The following SUN1 variants were observed in gnomAD, a reference collection of about 807,000 sequenced individuals.
The protein encoded by SUN1 is Sad1 and UNC84 domain containing 1.
A neutral mutation model predicts 103.2 loss-of-function variants in SUN1; 61 were observed. The observed-to-expected ratio is 0.59, with a 90% CI of 0.48 to 0.73. The LOEUF (loss-of-function observed/expected upper bound fraction) is 0.73. Among genes scored for constraint, SUN1 ranks in the 30% least tolerant of loss-of-function variants. SUN1 has a pLI of 0.00. For synonymous variants in SUN1, 490 were observed against 425.7 expected (o/e 1.15, Z -1.86); for missense variants, 1,052 against 1,034.6 (o/e 1.02, Z -0.23).
At chr7:863,292 G>GCGCACC (rs1562793784) in intron 15 of SUN1, among the ~76,000 whole-genome samples, 2 of 149,466 alleles carry the variant, frequency 1.3e-5, no homozygotes, top group African/African-American at 2.5e-5. Context: ...GCCCTCCCGA[G>GCGCACC]CTCGCCCTTG....
chr7:827,093 C>T (rs1792853045), intron 1 of SUN1, among the ~76,000 whole-genome samples: 1 of 152,098 alleles, frequency 6.6e-6, no homozygotes, highest in Non-Finnish European at 1.5e-5. Flanking sequence ...CAGATCTCAG[C>T]TCACTGCAAC....
chr7:863,374 T>TCACCAGCGCCAGGGCCCCTG (rs1833858552), intron 15 of SUN1, among the ~76,000 whole-genome samples: 36 of 151,938 alleles, frequency 2.4e-4, no homozygotes, highest in East Asian at 3.9e-4. Flanking sequence ...TGCCCGGGGT[T>TCACCAGCGCCAGGGCCCCTG]GTGTGCTGCC....
upstream of SUN1, among the ~76,000 whole-genome samples, chr7:831,483 G>T (rs554751863): frequency 5.8e-4 from 89 of 152,246 alleles, no homozygotes; most frequent in Admixed American, 1.4e-3. Context: ...TGTTAGCGAG[G>T]ATGGTCTCGA....
chr7:823,174 C>G (rs145975366), intron 1 of SUN1, among the ~76,000 whole-genome samples: 66 of 152,344 alleles, frequency 4.3e-4, no homozygotes, highest in African/African-American at 1.4e-3. Context: ...TTCACTTGTT[C>G]TCCAGGCAAG....
At chr7:842,400 G>A (rs555007709) in intron 3 of SUN1, 105 of 455,846 alleles carry the variant, frequency 2.3e-4, no homozygotes, top group Non-Finnish European at 3.6e-4. Flanking sequence ...ATGCTAACGT[G>A]TAGTGACTAG....
intron 7 of SUN1, 57 bp from the exon 8 acceptor site, chr7:852,552 T>C: frequency 6.2e-7 from 1 of 1,605,992 alleles, no homozygotes; most frequent in Non-Finnish European, 8.5e-7. Context: ...GGAAAACAGA[T>C]TGGTGAACCC....
intron 17 of SUN1, among the ~76,000 whole-genome samples, 158 bp downstream of exon 17, chr7:869,674 G>A (rs545969843): frequency 1.3e-5 from 2 of 152,156 alleles, no homozygotes; most frequent in African/African-American, 4.8e-5. Context: ...TGCTTTTCTA[G>A]GGAGGGTAAC....
chr7:824,300 G>C (rs1789232420), intron 1 of SUN1, among the ~76,000 whole-genome samples: 1 of 152,228 alleles, frequency 6.6e-6, no homozygotes, highest in Non-Finnish European at 1.5e-5. Flanking sequence ...TCTGGGTCCA[G>C]ACCCAGCACG....
upstream of SUN1, chr7:816,550 T>C: frequency 2.6e-6 from 1 of 380,234 alleles, no homozygotes; most frequent in Non-Finnish European, 5.1e-6. Flanking sequence ...CGCTCGGGAC[T>C]GGTGAAGGCC....
intron 1 of SUN1, among the ~76,000 whole-genome samples, chr7:834,715 A>G (rs1433493993): frequency 6.6e-6 from 1 of 152,172 alleles, no homozygotes; most frequent in African/African-American, 2.4e-5. Context: ...GATTCTTAGC[A>G]ATTTCAGTAA....
intron 1 of SUN1, among the ~76,000 whole-genome samples, chr7:819,510 T>G (rs1035875439): frequency 6.6e-6 from 1 of 152,158 alleles, no homozygotes; most frequent in African/African-American, 2.4e-5. Flanking sequence ...TTGAGTTCAT[T>G]CTTGTGTATG....
chr7:851,202 T>C, intron 5 of SUN1, 182 bp from the exon 6 acceptor site: 1 of 503,726 alleles, frequency 2.0e-6, no homozygotes. Flanking sequence ...CAAATGGTCA[T>C]GTCAGTGCAA....
chr7:849,958 C>T (rs1422864118), intron 5 of SUN1: 1 of 1,601,798 alleles, frequency 6.2e-7, no homozygotes, highest in Non-Finnish European at 8.5e-7. Flanking sequence ...CCTCGACGCG[C>T]ACACAGCCGC....
intron 2 of SUN1, chr7:841,720 C>T (rs1394120855): frequency 1.2e-5 from 6 of 502,708 alleles, no homozygotes; most frequent in Non-Finnish European, 2.1e-5. Flanking sequence ...CCAAAATAAC[C>T]TGGAAACTAT....
At chr7:817,367 C>T in intron 1 of SUN1, 2 of 1,520,004 alleles carry the variant, frequency 1.3e-6, no homozygotes, top group South Asian at 2.4e-5. Flanking sequence ...CGCGCGTGGT[C>T]TCCGCGCCCT....
chr7:843,976 G>T, intron 5 of SUN1: 2 of 851,128 alleles, frequency 2.3e-6, no homozygotes, highest in Non-Finnish European at 2.9e-6. Context: ...GGTGATGGAG[G>T]GGCCTTCAGA....
chr7:873,560 G>GAA lies in SUN1; in HGVS notation c.*230_*231dup. 2 of 494,248 alleles carry GAA rather than the reference G, an allele frequency of 4.0e-6. No individual in the cohort carries two copies. Among genetic ancestry groups the GAA allele is most frequent in the African/African-American group, 1.9e-5 (1 of 51,286 alleles). 30.6% of individuals were successfully genotyped at this position (494,248 alleles called of 1,614,324 possible). A position where few individuals can be genotyped will look rare whatever the true frequency, so the allele number is the denominator to read the frequency against. ...GGGTCAGCAGCAGGAGAAGCGTGTT[G>GAA]AACACGTGGCTCTCAGACACTCCTT... On this transcript the variant is annotated 3_prime_UTR_variant, in exon 19 of 19. Coordinates refer to ENST00000401592, the MANE Select transcript of SUN1 (RefSeq NM_001130965.3).
In SUN1 at chr7:824,116, C is replaced by CG. The variant is rs137881746; in HGVS notation, c.-74+7446dup. Among the ~76,000 whole-genome samples the CG allele has an allele frequency of 5.8e-3, 883 of 152,256 alleles. 2 individuals are homozygous for CG. Among genetic ancestry groups the CG allele is most frequent in the South Asian group, 0.023 (110 of 4,824 alleles). On this transcript the variant is annotated intron_variant, in intron 1 of 17. Coordinates refer to the SUN1 transcript ENST00000389574. The stretch of plus-strand genomic sequence containing the variant: ...AAAGTCACCTGGGTGAAGTTAAGGA[C>CG]GGGAGTATCCCTGCCATGTAGTAGT...
chr7:837,855 T>C (rs1804971090), intron 1 of SUN1, among the ~76,000 whole-genome samples: 1 of 152,206 alleles, frequency 6.6e-6, no homozygotes, highest in South Asian at 2.1e-4. Context: ...TAAACTAGAA[T>C]CACAATTGTG....
Sources: allele counts gnomAD v4.1 joint callset (sites outside exome capture counted in the v4.1 genomes callset), GRCh38; gene constraint gnomAD v4.1.1; transcripts MANE v1.5; gene names NCBI Gene and HGNC (gene_info 2026-07-23, HGNC 2026-07-21).